The following NEO1 variants were observed in gnomAD, a reference collection of about 807,000 sequenced individuals.
The protein encoded by NEO1 is neogenin.
In NEO1, 63 loss-of-function variants were observed where a neutral mutation model predicts 159.7. The ratio of observed to expected loss-of-function variants is 0.39; its 90% CI spans 0.32 to 0.49. The LOEUF (loss-of-function observed/expected upper bound fraction) is 0.49, where lower values mean the gene tolerates loss of function less well. NEO1 is among the 20% of genes least tolerant of loss of function. The pLI, the probability that NEO1 is intolerant of heterozygous loss-of-function variation, is 0.85. For missense variants in NEO1, 1,615 were observed against 1,831.0 expected (o/e 0.88, Z 2.15); for synonymous variants, 633 against 662.0 (o/e 0.96, Z 0.67).
In NEO1 at chr15:73,152,803, A is replaced by G. The variant is rs572834199; in HGVS notation, c.1015+16776A>G. ...CCACTGCTAGGTGTGTGGGGGGGAA[A>G]CTCCCACATAATTTGGTCACAGAAG... On this transcript the variant is annotated intron_variant, in intron 5 of 28. Transcript: ENST00000261908. Among the ~76,000 whole-genome samples the G allele has an allele frequency of 1.1e-4, 16 of 151,628 alleles. No homozygotes were observed. The East Asian group carries it at 1.6e-3, about 15-fold the overall frequency.
At chr15:73,232,886 A>G (rs2150833777) in intron 7 of NEO1, among the ~76,000 whole-genome samples, 1 of 152,286 alleles carries the variant, frequency 6.6e-6, no homozygotes, top group South Asian at 2.1e-4. Flanking sequence ...TGGTTGAACA[A>G]TCACTCTAGC....
chr15:73,128,312 T>G (rs1407952670), intron 4 of NEO1, among the ~76,000 whole-genome samples: 4 of 151,872 alleles, frequency 2.6e-5, no homozygotes, highest in Non-Finnish European at 5.9e-5. Context: ...GTTCTTACAG[T>G]AGAAATTTTA....
chr15:73,130,558 G>A (rs2030980097), intron 4 of NEO1, among the ~76,000 whole-genome samples: 1 of 152,156 alleles, frequency 6.6e-6, no homozygotes, highest in Admixed American at 6.5e-5. Context: ...ACCCTACCAT[G>A]CCAGTCAAAG....
At chr15:73,263,700 C>A (rs1478730614) in intron 15 of NEO1, among the ~76,000 whole-genome samples, 2 of 152,034 alleles carry the variant, frequency 1.3e-5, no homozygotes, top group African/African-American at 2.4e-5. Flanking sequence ...AGAACAACTT[C>A]AAGTGCCTAA....
At chr15:73,275,096 G>T (rs1393361470) in intron 21 of NEO1, among the ~76,000 whole-genome samples, 1 of 152,148 alleles carries the variant, frequency 6.6e-6, no homozygotes, top group African/African-American at 2.4e-5. Context: ...GTTCATATTT[G>T]ATCATACCAA....
chr15:73,188,544 ATTC>A (rs2036063237), intron 7 of NEO1, among the ~76,000 whole-genome samples: 1 of 152,148 alleles, frequency 6.6e-6, no homozygotes, highest in Non-Finnish European at 1.5e-5. Context: ...GTCATTTCCT[ATTC>A]TTCTGTTCTT....
chr15:73,227,444 C>T (rs570024199), intron 7 of NEO1, among the ~76,000 whole-genome samples: 6 of 151,870 alleles, frequency 4.0e-5, no homozygotes, highest in African/African-American at 1.2e-4. Flanking sequence ...TGCAGTGAGC[C>T]GAGATCACAC....
At chr15:73,141,149 C>T (rs2032349173) in intron 5 of NEO1, among the ~76,000 whole-genome samples, 1 of 152,132 alleles carries the variant, frequency 6.6e-6, no homozygotes, top group Non-Finnish European at 1.5e-5. Context: ...GTTTTGAGCC[C>T]TGTCCCATAA....
At position 73,116,810 on chromosome 15, in the gene NEO1, A is replaced by G. The variant is rs761490810; in HGVS notation, c.401A>G (p.Glu134Gly). 6.2e-7 allele frequency: 1 copy of G among 1,609,918 alleles called. No homozygotes were observed. Among genetic ancestry groups the G allele is most frequent in the South Asian group, 1.1e-5 (1 of 90,168 alleles). Reference sequence around the variant, plus strand: ...TATTATCAGTGTGTGGCCACTGTTGAGAGTCTTGGAACTATTATCAGTAGA... The same window carrying G: ...TATTATCAGTGTGTGGCCACTGTTGGGAGTCTTGGAACTATTATCAGTAGA... ...EGYYQCVATV[E>G]SLGTIISRTA... The change falls in exon 2 of 29, where the codon GAG (glutamate) becomes GGG (glycine). Residue 134 changes from glutamate to glycine, a missense_variant. Physicochemically the swap from Glu to Gly is moderately conservative, Grantham distance 98. Transcript: ENST00000261908.
chr15:73,270,243 C>G lies in NEO1; in HGVS notation c.2718+10C>G. On this transcript the variant is annotated intron_variant, in intron 17 of 28. Transcript: ENST00000261908. The stretch of plus-strand genomic sequence containing the variant: ...AAACACCAAGTACAAGGTACTGACA[C>G]ATTTGCCCTGGCTGAAAAAAGCTAA... 1 of 1,613,850 alleles carries G rather than the reference C, an allele frequency of 6.2e-7. No individual in the cohort carries two copies. Among genetic ancestry groups the G allele is most frequent in the Non-Finnish European group, 8.5e-7 (1 of 1,179,738 alleles).
intron 1 of NEO1, among the ~76,000 whole-genome samples, chr15:73,085,417 A>G (rs977670933): frequency 1.3e-5 from 2 of 152,200 alleles, no homozygotes; most frequent in African/African-American, 2.4e-5. Context: ...ATTATGAATA[A>G]GGCAGCTATA....
intron 7 of NEO1, among the ~76,000 whole-genome samples, chr15:73,221,074 T>C (rs1232698534): frequency 6.6e-6 from 1 of 152,186 alleles, no homozygotes; most frequent in South Asian, 2.1e-4. Flanking sequence ...CTTTTGGTCT[T>C]TGATGATGGT....
At chr15:73,295,145 T>TATATATATATATAA (rs1306550657) in intron 26 of NEO1, among the ~76,000 whole-genome samples, 8 of 134,874 alleles carry the variant, frequency 5.9e-5, no homozygotes, top group Non-Finnish European at 1.1e-4. Flanking sequence ...TATATATATG[T>TATATATATATATAA]AAAAATTTGG....
intron 5 of NEO1, among the ~76,000 whole-genome samples, chr15:73,158,208 C>CTTTTTTT (rs1047852394): frequency 1.2e-5 from 1 of 82,550 alleles, no homozygotes; most frequent in Non-Finnish European, 2.2e-5. Flanking sequence ...GAGTGAGACT[C>CTTTTTTT]TTTTTTTTTT....
intron 1 of NEO1, among the ~76,000 whole-genome samples, chr15:73,067,089 G>T (rs2068259585): frequency 6.6e-6 from 1 of 152,124 alleles, no homozygotes; most frequent in African/African-American, 2.4e-5. Context: ...GTGGAAGTTT[G>T]TCTGGTTTTT....
rs1222591610 is a variant in NEO1, at chr15:73,278,183, C to T, written c.3246C>T (p.Tyr1082=). ...GSRLPDLGSD[Y]KPPMSGSNSP... is the part of the protein sequence containing the mutation. ...GGCTGCCAGACCTAGGATCCGACTACAAACCTCCAATGAGCGGTAAAGCCT... is the reference window on the plus strand; with the variant it reads ...GGCTGCCAGACCTAGGATCCGACTATAAACCTCCAATGAGCGGTAAAGCCT... Residue 1082 remains tyrosine (Y), a synonymous_variant, in exon 22 of 29, where the codon TAC becomes TAT. Transcript: ENST00000261908. The T allele has an allele frequency of 6.2e-7, 1 of 1,612,994 alleles. No homozygotes were observed. The highest frequency in any genetic ancestry group is 2.2e-5 in the East Asian group (1 of 44,892).
intron 7 of NEO1, among the ~76,000 whole-genome samples, chr15:73,212,051 G>A (rs927685601): frequency 6.6e-6 from 1 of 152,160 alleles, no homozygotes; most frequent in African/African-American, 2.4e-5. Flanking sequence ...TCGTATCGGG[G>A]TACATGATAT....
At chr15:73,234,082 G>A (rs796897514) in intron 7 of NEO1, among the ~76,000 whole-genome samples, 12 of 152,276 alleles carry the variant, frequency 7.9e-5, no homozygotes, top group African/African-American at 2.9e-4. Context: ...TCTCTAGCCA[G>A]TAGATAGTTG....
chr15:73,118,578 T>C (rs1175299612), intron 2 of NEO1, among the ~76,000 whole-genome samples: 1 of 152,058 alleles, frequency 6.6e-6, no homozygotes. Context: ...ATCCTCCACC[T>C]TTTCCTCACT....
Sources: allele counts gnomAD v4.1 joint callset (sites outside exome capture counted in the v4.1 genomes callset), GRCh38; gene constraint gnomAD v4.1.1; transcripts MANE v1.5; gene names NCBI Gene and HGNC (gene_info 2026-07-23, HGNC 2026-07-21).